Variants in AIG1 observed in about 807,000 individuals in gnomAD.
The protein encoded by AIG1 is androgen-induced gene 1 protein.
AIG1 carries 23 observed loss-of-function variants against 31.4 expected under a neutral mutation model. The observed-to-expected ratio is 0.73, with a 90% CI of 0.53 to 1.04. The LOEUF is 1.04. Ranked by LOEUF, AIG1 falls within the 50% of genes least tolerant of loss-of-function variation. The probability of loss-of-function intolerance (pLI) is 0.00; values close to 1 mark genes in which losing one functional copy is unlikely to be tolerated. For missense variants in AIG1, 274 were observed against 295.0 expected (o/e 0.93, Z 0.52); for synonymous variants, 100 against 110.5 (o/e 0.90, Z 0.60).
At position 143,340,451 on chromosome 6, in the gene AIG1, C is replaced by T. The variant is rs1160112902; in HGVS notation, c.*775C>T. On this transcript the variant is annotated 3_prime_UTR_variant, in exon 6 of 6. Transcript: ENST00000357847. ...AAAATGTGAATCTTTTTGATAACTC[C>T]AAAACAAATTTTTTTTTTCTTTTTT... 2 of 133,672 alleles carry T rather than the reference C, an allele frequency of 1.5e-5. No homozygotes were observed. The highest frequency in any genetic ancestry group is 6.4e-5 in the African/African-American group (2 of 31,282). 8.3% of individuals were successfully genotyped at this position (133,672 alleles called of 1,614,324 possible).
chr6:143,119,539 G>A (rs995327234), intron 1 of AIG1, among the ~76,000 whole-genome samples: 3 of 152,186 alleles, frequency 2.0e-5, no homozygotes, highest in Non-Finnish European at 2.9e-5. Flanking sequence ...ACACTCCAGT[G>A]GCAGCGTGGG....
At position 143,106,312 on chromosome 6, in the gene AIG1, A is replaced by C. The variant is rs182733267; in HGVS notation, c.142-30523A>C. On this transcript the variant is annotated intron_variant, in intron 1 of 5. Coordinates refer to ENST00000357847, the MANE Select transcript of AIG1 (RefSeq NM_016108.4). Reference sequence around the variant, plus strand: ...AAAGATATGGAACAGGTTCTCCCTCACAGCCCATCCTGCCGACATCTTGAT... The same window carrying C: ...AAAGATATGGAACAGGTTCTCCCTCCCAGCCCATCCTGCCGACATCTTGAT... Among the ~76,000 whole-genome samples, 45 of 152,296 alleles carry C rather than the reference A, an allele frequency of 3.0e-4. 1 individual carries two copies. The East Asian group carries it at 7.5e-3, about 25-fold the overall frequency.
intron 4 of AIG1, among the ~76,000 whole-genome samples, chr6:143,310,183 A>C (rs1775150229): frequency 6.6e-6 from 1 of 151,956 alleles, no homozygotes; most frequent in South Asian, 2.1e-4. Flanking sequence ...CATCAAAAGC[A>C]GACTACACAT....
chr6:143,147,450 A>G (rs1411691660), intron 2 of AIG1, among the ~76,000 whole-genome samples: 2 of 152,148 alleles, frequency 1.3e-5, no homozygotes, highest in Non-Finnish European at 2.9e-5. Flanking sequence ...TGTTTCCTTA[A>G]AAATCAACTA....
intron 4 of AIG1, among the ~76,000 whole-genome samples, chr6:143,305,342 G>C (rs1307956147): frequency 7.2e-5 from 11 of 152,020 alleles, no homozygotes; most frequent in Admixed American, 2.0e-4. Flanking sequence ...GAACTTTCCT[G>C]CTTTCTTTTG....
chr6:143,169,060 A>G (rs1024622490), intron 3 of AIG1, among the ~76,000 whole-genome samples: 1 of 151,662 alleles, frequency 6.6e-6, no homozygotes, highest in Admixed American at 6.6e-5. Flanking sequence ...TTAAAAATAT[A>G]TATGTTTTAC....
chr6:143,303,222 G>T (rs1323666080), intron 4 of AIG1, among the ~76,000 whole-genome samples: 20 of 151,164 alleles, frequency 1.3e-4, no homozygotes, highest in African/African-American at 3.6e-4. Context: ...AGAAGCTCTT[G>T]AGTTTAATTA....
At chr6:143,171,445 ATATATATTTAATATATATATT>A (rs1350121851) in intron 3 of AIG1, among the ~76,000 whole-genome samples, 2 of 73,170 alleles carry the variant, frequency 2.7e-5, no homozygotes, top group African/African-American at 1.5e-4. Context: ...TATATATAAT[ATATATATTTAATATATATATT>A]TAATATATAT....
At position 143,333,924 on chromosome 6, in the gene AIG1, G is replaced by T. The variant is rs1777283257; in HGVS notation, c.679+479G>T. Among the ~76,000 whole-genome samples the T allele has an allele frequency of 6.6e-6, 1 of 152,184 alleles. No individual in the cohort carries two copies. The highest frequency in any genetic ancestry group is 1.5e-5 in the Non-Finnish European group (1 of 68,042). On this transcript the variant is annotated intron_variant, in intron 5 of 5. Transcript: ENST00000357847. The surrounding 1 kb of genome is among the most constrained non-coding windows in gnomAD (Gnocchi z 4.6). ...ATTCTGCTAGAGCTCTATCTAAGCA[G>T]TGTGTGATGCTCCGGCCACCTTGAC...
chr6:143,061,128 G>A, intron 1 of AIG1, 62 bp downstream of exon 1: 1 of 1,548,994 alleles, frequency 6.5e-7, no homozygotes, highest in Non-Finnish European at 8.9e-7. Flanking sequence ...GTGTGTGTGT[G>A]TGTGTGTGTG....
intron 1 of AIG1, among the ~76,000 whole-genome samples, chr6:143,119,685 G>A (rs1455735707): frequency 1.3e-5 from 2 of 152,164 alleles, no homozygotes; most frequent in African/African-American, 4.8e-5. Flanking sequence ...TCTTCCTGGA[G>A]TAAGGACCTT....
chr6:143,107,244 A>C (rs1780884228), intron 1 of AIG1, among the ~76,000 whole-genome samples: 1 of 152,250 alleles, frequency 6.6e-6, no homozygotes, highest in African/African-American at 2.4e-5. Flanking sequence ...AATTTGATTA[A>C]GATTTTCTTG....
At position 143,299,059 on chromosome 6, in the gene AIG1, G is replaced by A. The variant is rs1798643035; in HGVS notation, c.515+14834G>A. The A allele has an allele frequency of 6.6e-6, 1 of 152,166 alleles. No homozygotes were observed. Among genetic ancestry groups the A allele is most frequent in the East Asian group, 1.9e-4 (1 of 5,200 alleles). 9.4% of individuals were successfully genotyped at this position (152,166 alleles called of 1,614,324 possible). On this transcript the variant is annotated intron_variant, in intron 4 of 5. Coordinates refer to ENST00000357847, the MANE Select transcript of AIG1 (RefSeq NM_016108.4). The surrounding 1 kb of genome is among the most constrained non-coding windows in gnomAD (Gnocchi z 4.1). ...GTGACATGGAAGTGCTATCTTGAGT[G>A]CCACTGCTTTCATACCTGAGGAGGA...
intron 3 of AIG1, among the ~76,000 whole-genome samples, chr6:143,227,202 T>G (rs929880065): frequency 3.9e-5 from 6 of 152,136 alleles, no homozygotes; most frequent in Non-Finnish European, 2.9e-5. Context: ...CAGAAGGTTG[T>G]CCCAGAAAGC....
intron 2 of AIG1, among the ~76,000 whole-genome samples, chr6:143,164,709 C>T (rs918557192): frequency 1.3e-4 from 20 of 152,174 alleles, no homozygotes; most frequent in Non-Finnish European, 2.6e-4. Context: ...TGTGTGCTAA[C>T]TCTAGATAGT....
intron 3 of AIG1, among the ~76,000 whole-genome samples, chr6:143,176,896 AT>A (rs1788220328): frequency 6.6e-6 from 1 of 152,156 alleles, no homozygotes; most frequent in Admixed American, 6.5e-5. Flanking sequence ...CTTTCCTGGT[AT>A]GTTCCTGCAG....
At chr6:143,097,522 C>T (rs1244691833) in intron 1 of AIG1, among the ~76,000 whole-genome samples, 1 of 152,148 alleles carries the variant, frequency 6.6e-6, no homozygotes, top group Non-Finnish European at 1.5e-5. Flanking sequence ...AGAAGCCTCC[C>T]GTGTGATCTT....
intron 1 of AIG1, among the ~76,000 whole-genome samples, chr6:143,127,176 C>G (rs1782759962): frequency 6.6e-6 from 1 of 152,070 alleles, no homozygotes; most frequent in South Asian, 2.1e-4. Context: ...TCTTCCTTAT[C>G]ATTTCCCCTT....
At chr6:143,107,783 A>C (rs1013084942) in intron 1 of AIG1, among the ~76,000 whole-genome samples, 1 of 152,218 alleles carries the variant, frequency 6.6e-6, no homozygotes, top group Non-Finnish European at 1.5e-5. Flanking sequence ...CTTAGAGATC[A>C]ACTAAAATAT....
Sources: gnomAD v4.1 joint callset for allele counts (sites outside exome capture counted in the v4.1 genomes callset) on GRCh38, gnomAD v4.1.1 for gene constraint, Gnocchi (gnomAD v3.1) non-coding constraint, MANE v1.5 for transcripts, NCBI Gene and HGNC (gene_info 2026-07-23, HGNC 2026-07-21) for gene names.